ZNF804B: variants seen among roughly 807,000 people sequenced by gnomAD.
ZNF804B encodes the protein zinc finger protein 804B.
A neutral mutation model predicts 101.4 loss-of-function variants in ZNF804B; 80 were observed. The observed-to-expected ratio is 0.79, with a 90% CI of 0.66 to 0.95. The LOEUF (loss-of-function observed/expected upper bound fraction) is 0.95. Ranked by LOEUF, ZNF804B falls within the 40% of genes least tolerant of loss-of-function variation. The pLI, the probability that ZNF804B is intolerant of heterozygous loss-of-function variation, is 0.00. For synonymous variants in ZNF804B, 622 were observed against 558.8 expected, an observed-to-expected ratio of 1.11 and a Z score of -1.59; for missense variants, 1,673 against 1,561.9, an observed-to-expected ratio of 1.07 and a Z score of -1.20.
intron 1 of ZNF804B, among the ~76,000 whole-genome samples, chr7:88,988,658 A>T (rs1048659888): frequency 6.6e-6 from 1 of 152,120 alleles, no homozygotes; most frequent in African/African-American, 2.4e-5. Context: ...CAACAACAAA[A>T]GAATGTGAGG....
chr7:89,260,284 C>G (rs1470941265), intron 2 of ZNF804B, among the ~76,000 whole-genome samples: 3 of 152,120 alleles, frequency 2.0e-5, no homozygotes, highest in African/African-American at 7.2e-5. Context: ...GTTAGCCTAT[C>G]CCTTCTTGTC....
intron 2 of ZNF804B, among the ~76,000 whole-genome samples, chr7:89,275,285 T>C (rs1789964065): frequency 6.6e-6 from 1 of 152,026 alleles, no homozygotes; most frequent in Admixed American, 6.6e-5. Context: ...TCCAATCACC[T>C]TGTTAACACC....
At chr7:89,303,860 G>A (rs38928) in intron 2 of ZNF804B, among the ~76,000 whole-genome samples, 13,369 of 151,598 alleles carry the variant, frequency 0.088, 724 homozygotes, top group Non-Finnish European at 0.12. Context: ...ACATTGAAAG[G>A]GCAAACTCCA....
At chr7:88,977,560 C>T (rs1584050196) in intron 1 of ZNF804B, among the ~76,000 whole-genome samples, 1 of 151,382 alleles carries the variant, frequency 6.6e-6, no homozygotes, top group African/African-American at 2.4e-5. Flanking sequence ...CTCTAATGAG[C>T]CTTTGAATTT....
At chr7:89,331,715 A>G (rs944417136) in intron 3 of ZNF804B, among the ~76,000 whole-genome samples, 1 of 151,660 alleles carries the variant, frequency 6.6e-6, no homozygotes, top group African/African-American at 2.4e-5. Flanking sequence ...TGTAAAAAAA[A>G]CTGAGTCAGT....
At chr7:89,095,106 G>T (rs1056979527) in intron 1 of ZNF804B, among the ~76,000 whole-genome samples, 1 of 152,166 alleles carries the variant, frequency 6.6e-6, no homozygotes, top group South Asian at 2.1e-4. Context: ...TGAAATAGTA[G>T]TAGGAAGTGT....
intron 1 of ZNF804B, among the ~76,000 whole-genome samples, chr7:89,091,438 T>C (rs984316473): frequency 6.6e-6 from 1 of 152,068 alleles, no homozygotes; most frequent in African/African-American, 2.4e-5. Context: ...TTGGGTTGAG[T>C]ATTTTCAGAG....
At chr7:89,168,324 A>G (rs73204769) in intron 1 of ZNF804B, among the ~76,000 whole-genome samples, 12 of 54,432 alleles carry the variant, frequency 2.2e-4, no homozygotes, top group African/African-American at 6.5e-4. Flanking sequence ...GTGTGTGTGT[A>G]TATATATATA....
chr7:89,102,343 T>C (rs1790068242), intron 1 of ZNF804B, among the ~76,000 whole-genome samples: 1 of 151,972 alleles, frequency 6.6e-6, no homozygotes. Flanking sequence ...TGTTTGTTTT[T>C]CTGTTTTGTT....
At chr7:88,941,605 G>A (rs1438898994) in intron 1 of ZNF804B, among the ~76,000 whole-genome samples, 1 of 151,926 alleles carries the variant, frequency 6.6e-6, no homozygotes, top group Non-Finnish European at 1.5e-5. Flanking sequence ...TTAGGGATTA[G>A]GAGGAGAAAG....
chr7:89,211,604 C>A (rs1374340511), intron 1 of ZNF804B, among the ~76,000 whole-genome samples: 1 of 152,018 alleles, frequency 6.6e-6, no homozygotes. Context: ...TCTCCCAGTC[C>A]TTTCCCAATT....
intron 2 of ZNF804B, among the ~76,000 whole-genome samples, chr7:89,248,430 C>A (rs1191213462): frequency 7.0e-6 from 1 of 143,736 alleles, no homozygotes; most frequent in African/African-American, 2.6e-5. Context: ...GCCTTACAAA[C>A]CAGGAGAGTT....
chr7:88,790,324 G>C (rs559719355), intron 1 of ZNF804B, among the ~76,000 whole-genome samples: 61 of 151,864 alleles, frequency 4.0e-4, no homozygotes, highest in Non-Finnish European at 6.9e-4. Context: ...GATTTTTTAC[G>C]TAGGTAAATG....
At chr7:89,329,633 A>C (rs1790947146) in intron 3 of ZNF804B, among the ~76,000 whole-genome samples, 2 of 151,642 alleles carry the variant, frequency 1.3e-5, no homozygotes, top group Admixed American at 6.6e-5. Context: ...CCGTCTCTTA[A>C]CTAGTTCCAG....
At chr7:89,333,222 G>A (rs1791013716) in intron 3 of ZNF804B, 141 bp from the exon 4 acceptor site, 2 of 825,900 alleles carry the variant, frequency 2.4e-6, no homozygotes, top group Non-Finnish European at 3.6e-6. Context: ...AGCTATATAA[G>A]GACAACAAAA....
At chr7:89,259,671 G>A (rs1789682616) in intron 2 of ZNF804B, among the ~76,000 whole-genome samples, 2 of 152,048 alleles carry the variant, frequency 1.3e-5, no homozygotes, top group Non-Finnish European at 2.9e-5. Flanking sequence ...TGAAGTTCTG[G>A]GTGCTAGGGG....
At chr7:89,137,824 C>T (rs1274978638) in intron 1 of ZNF804B, among the ~76,000 whole-genome samples, 1 of 152,090 alleles carries the variant, frequency 6.6e-6, no homozygotes, top group Non-Finnish European at 1.5e-5. Flanking sequence ...CAGAGGTCTT[C>T]AGACAAGGCA....
chr7:89,029,326 A>G (rs1236221744), intron 1 of ZNF804B, among the ~76,000 whole-genome samples: 1 of 151,884 alleles, frequency 6.6e-6, no homozygotes, highest in Non-Finnish European at 1.5e-5. Context: ...CTGGTTTCGA[A>G]CTCCTGACCT....
chr7:89,150,360 G>A (rs1790854963), intron 1 of ZNF804B, among the ~76,000 whole-genome samples: 1 of 152,020 alleles, frequency 6.6e-6, no homozygotes, highest in African/African-American at 2.4e-5. Context: ...CTATGTTGAG[G>A]CCCAGGAAGC....
Sources: allele counts gnomAD v4.1 joint callset (sites outside exome capture counted in the v4.1 genomes callset), GRCh38; gene constraint gnomAD v4.1.1; transcripts MANE v1.5; gene names NCBI Gene and HGNC (gene_info 2026-07-23, HGNC 2026-07-21).